Variants in SERPINE2 observed in about 807,000 individuals in gnomAD.
SERPINE2 encodes the protein glia-derived nexin.
Under a neutral mutation model 36.3 loss-of-function variants are expected in SERPINE2, and 14 were observed. The observed-to-expected ratio is 0.39, with a 90% confidence interval of 0.25 to 0.60. SERPINE2 has a LOEUF of 0.60. SERPINE2 is among the 20% of genes least tolerant of loss of function. The pLI, the probability that SERPINE2 is intolerant of heterozygous loss-of-function variation, is 0.57. For missense variants in SERPINE2, 418 were observed against 499.6 expected (o/e 0.84, Z 1.56); for synonymous variants, 192 against 191.8 (o/e 1.00, Z -0.01).
In SERPINE2 at chr2:224,035,243, C is replaced by T. The variant is rs115426538; in HGVS notation, c.-23+3856G>A. ...GCTCTGAAGCCCATGGGAGCCAGAA[C>T]GCCACTATAAGCAAGGGTCACAGGT... On this transcript the variant is annotated intron_variant, in intron 1 of 8. Transcript: ENST00000409304. Among the ~76,000 whole-genome samples, 869 of 152,250 alleles carry T rather than the reference C, an allele frequency of 5.7e-3. 7 individuals carry two copies. Among genetic ancestry groups the T allele is most frequent in the African/African-American group, 0.02 (814 of 41,550 alleles).
intron 2 of SERPINE2, among the ~76,000 whole-genome samples, chr2:224,000,510 C>T (rs953272601): frequency 2.6e-5 from 4 of 152,100 alleles, no homozygotes; most frequent in African/African-American, 9.7e-5. Context: ...TCTCTCTCTA[C>T]GTATCTATCT....
At chr2:223,995,618 T>C (rs2106155885) in intron 3 of SERPINE2, among the ~76,000 whole-genome samples, 1 of 152,296 alleles carries the variant, frequency 6.6e-6, no homozygotes, top group Middle Eastern at 3.4e-3. Context: ...TTTTTTGTTT[T>C]TGTTTTTGTT....
chr2:224,030,167 G>A, intron 1 of SERPINE2: 4 of 985,428 alleles, frequency 4.1e-6, no homozygotes, highest in African/African-American at 1.7e-5. Flanking sequence ...TCATGCAACA[G>A]CCTTCCTTTG....
At chr2:224,001,471 CCA>C in intron 2 of SERPINE2, 169 bp downstream of exon 2, 1 of 655,942 alleles carries the variant, frequency 1.5e-6, no homozygotes. Context: ...ACTGCCAGCA[CCA>C]CAGTGTTTGT....
chr2:224,031,562 C>T (rs768826702), intron 1 of SERPINE2: 113 of 939,844 alleles, frequency 1.2e-4, no homozygotes, highest in Non-Finnish European at 1.4e-4. Flanking sequence ...CATGTGACCA[C>T]GTGACCTAGC....
intron 1 of SERPINE2, among the ~76,000 whole-genome samples, chr2:224,037,299 A>G (rs1050349407): frequency 9.9e-5 from 15 of 152,186 alleles, no homozygotes; most frequent in African/African-American, 3.6e-4. Flanking sequence ...TCACCTGCCA[A>G]ACCCGCAAGA....
At position 224,031,104 on chromosome 2, in the gene SERPINE2, A is replaced by G. The variant is rs985369142; in HGVS notation, c.-23+7995T>C. On this transcript the variant is annotated intron_variant, in intron 1 of 8. Coordinates refer to ENST00000409304, the MANE Select transcript of SERPINE2 (RefSeq NM_001136528.2). ...GACACAAATTTCTTCTCAAGAAGGT[A>G]TAAACATTGATGGGATGTAAATCTT... 5 of 985,352 alleles carry G rather than the reference A, an allele frequency of 5.1e-6. No homozygotes were observed. In the African/African-American group the frequency reaches 8.7e-5, roughly 17 times the overall value. 61.0% of individuals were successfully genotyped at this position (985,352 alleles called of 1,614,324 possible). A position where few individuals can be genotyped will look rare whatever the true frequency, so the allele number is the denominator to read the frequency against.
intron 1 of SERPINE2, among the ~76,000 whole-genome samples, chr2:224,036,765 G>A (rs1692550888): frequency 2.0e-5 from 3 of 152,254 alleles, no homozygotes; most frequent in African/African-American, 4.8e-5. Flanking sequence ...CTGGAGAGAC[G>A]TGGTTGTCAC....
At chr2:223,976,537 A>G (rs1403394715) in intron 8 of SERPINE2, among the ~76,000 whole-genome samples, 1 of 152,252 alleles carries the variant, frequency 6.6e-6, no homozygotes, top group East Asian at 1.9e-4. Context: ...GGGCATGCCA[A>G]TTAGAACATC....
intron 1 of SERPINE2, chr2:224,030,337 C>G: frequency 3.8e-6 from 2 of 520,268 alleles, no homozygotes; most frequent in Non-Finnish European, 4.9e-6. Flanking sequence ...GCCAAAGACA[C>G]GAGGAAGACA....
At chr2:224,001,315 G>A (rs142611425) in intron 2 of SERPINE2, among the ~76,000 whole-genome samples, 7 of 152,252 alleles carry the variant, frequency 4.6e-5, no homozygotes, top group African/African-American at 9.6e-5. Flanking sequence ...CGATCACAGC[G>A]CAACTCAACC....
chr2:224,001,305 C>T (rs982245141), intron 2 of SERPINE2, among the ~76,000 whole-genome samples: 1 of 152,214 alleles, frequency 6.6e-6, no homozygotes, highest in African/African-American at 2.4e-5. Flanking sequence ...AGCACATCTA[C>T]GATCACAGCG....
chr2:223,977,943 T>C (rs1287656368), intron 7 of SERPINE2: 1 of 186,406 alleles, frequency 5.4e-6, no homozygotes, highest in East Asian at 7.6e-5. Context: ...TTATAGCTCT[T>C]AGAACAGTGT....
chr2:223,993,385 T>C (rs1690748034), intron 3 of SERPINE2, among the ~76,000 whole-genome samples: 1 of 152,180 alleles, frequency 6.6e-6, no homozygotes, highest in African/African-American at 2.4e-5. Flanking sequence ...TATTATACAG[T>C]TATTATACAG....
At chr2:224,008,024 G>A (rs1273239742) in intron 1 of SERPINE2, among the ~76,000 whole-genome samples, 1 of 152,222 alleles carries the variant, frequency 6.6e-6, no homozygotes, top group African/African-American at 2.4e-5. Context: ...CTGCAAGAGA[G>A]ACGGTATAGC....
chr2:223,997,003 GGAGGTTGAGGCTGCAGTGAGCTAT>G (rs1690914929), intron 3 of SERPINE2, among the ~76,000 whole-genome samples: 1 of 152,178 alleles, frequency 6.6e-6, no homozygotes, highest in African/African-American at 2.4e-5. Flanking sequence ...CTTGAGCCCA[GGAGGTTGAGGCTGCAGTGAGCTAT>G]GATTGCACCA....
chr2:224,000,556 A>G (rs1559205779), intron 2 of SERPINE2, among the ~76,000 whole-genome samples: 1 of 152,144 alleles, frequency 6.6e-6, no homozygotes, highest in South Asian at 2.1e-4. Flanking sequence ...TCTGGGATAC[A>G]TGTGCAGAAC....
In SERPINE2 at chr2:223,982,748, C is replaced by T. The variant is rs755224716; in HGVS notation, c.918G>A (p.Glu306=). The T allele has an allele frequency of 1.2e-6, 2 of 1,613,828 alleles. No homozygotes were observed. The highest frequency in any genetic ancestry group is 1.1e-5 in the South Asian group (1 of 91,016). The change falls in exon 6 of 9, where the codon GAG becomes GAA. Residue 306 remains glutamate, a synonymous_variant. Coordinates refer to ENST00000409304, the MANE Select transcript of SERPINE2 (RefSeq NM_001136528.2). ...CAGTAATGCCAAGAACTTTCAGCGGCTCCTTCAAATCTGTTTGTGCTACAG... is the reference window on the plus strand; with the variant it reads ...CAGTAATGCCAAGAACTTTCAGCGGTTCCTTCAAATCTGTTTGTGCTACAG... ...FTAVAQTDLK[E]PLKVLGITDM... is the part of the protein sequence containing the mutation.
At chr2:224,014,607 A>G (rs1233002012) in intron 1 of SERPINE2, among the ~76,000 whole-genome samples, 4 of 152,252 alleles carry the variant, frequency 2.6e-5, no homozygotes, top group East Asian at 1.9e-4. Context: ...TCTCGGCACT[A>G]CTGACATAAC....
Sources: gnomAD v4.1 joint callset for allele counts (sites outside exome capture counted in the v4.1 genomes callset) on GRCh38, gnomAD v4.1.1 for gene constraint, MANE v1.5 for transcripts, NCBI Gene and HGNC (gene_info 2026-07-23, HGNC 2026-07-21) for gene names.